The following KLF8 variants were observed in gnomAD, a reference collection of about 807,000 sequenced individuals.
The protein encoded by KLF8 is KLF transcription factor 8.
A neutral mutation model predicts 18.2 loss-of-function variants in KLF8; 10 were observed. That is an observed-to-expected ratio of 0.55 (90% CI 0.34 to 0.93). KLF8 has a LOEUF of 0.93. Among genes scored for constraint, KLF8 ranks in the 40% least tolerant of loss-of-function variants. The pLI is 0.02. For synonymous variants in KLF8, 109 were observed against 97.3 expected (o/e 1.12, Z -0.71); for missense variants, 264 against 277.9 (o/e 0.95, Z 0.36).
At chrX:56,134,331 G>A in the KLF8 span, among the ~76,000 whole-genome samples, 1 of 111,789 alleles carries the variant, frequency 8.9e-6, no homozygotes, top group Non-Finnish European at 1.9e-5. Context: ...ATGGACCAAT[G>A]GGACAGAAAG....
the KLF8 span, among the ~76,000 whole-genome samples, chrX:56,005,065 T>C: frequency 1.9e-5 from 2 of 108,040 alleles, no homozygotes; most frequent in Non-Finnish European, 1.9e-5. Context: ...TTATTTGAGA[T>C]GGAGTCTTGG....
At chrX:56,125,363 G>A in the KLF8 span, among the ~76,000 whole-genome samples, 1 of 111,723 alleles carries the variant, frequency 9.0e-6, no homozygotes, top group East Asian at 2.8e-4. Flanking sequence ...GGAGTGTAAT[G>A]TGTCTGTCCT....
the KLF8 span, among the ~76,000 whole-genome samples, chrX:56,132,377 C>G: frequency 9.0e-6 from 1 of 111,601 alleles, no homozygotes; most frequent in Non-Finnish European, 1.9e-5. Context: ...TAACCTGCTC[C>G]TGAAAGATCA....
At chrX:56,271,013 T>TA (rs1005183730) in intron 5 of KLF8, among the ~76,000 whole-genome samples, 9 of 111,547 alleles carry the variant, frequency 8.1e-5, no homozygotes, top group Non-Finnish European at 1.7e-4. Flanking sequence ...AATACAACAA[T>TA]AAAAAAATAC....
At chrX:56,049,916 A>G in the KLF8 span, among the ~76,000 whole-genome samples, 2 of 108,496 alleles carry the variant, frequency 1.8e-5, no homozygotes, top group Non-Finnish European at 3.8e-5. Context: ...TTTGGTTGGT[A>G]AGCTATTGAT....
chrX:56,153,369 A>G, the KLF8 span, among the ~76,000 whole-genome samples: 1 of 110,308 alleles, frequency 9.1e-6, no homozygotes, highest in Non-Finnish European at 1.9e-5. Context: ...AAAAAAAAAG[A>G]GTAGCTTTGC....
the KLF8 span, among the ~76,000 whole-genome samples, chrX:56,051,746 C>T: frequency 9.3e-6 from 1 of 107,254 alleles, no homozygotes; most frequent in African/African-American, 3.6e-5. Flanking sequence ...AATTATGTGT[C>T]TTGGAGTTGC....
the KLF8 span, among the ~76,000 whole-genome samples, chrX:56,098,347 G>A: frequency 9.0e-6 from 1 of 111,650 alleles, no homozygotes; most frequent in Admixed American, 9.5e-5. Context: ...TAGACACCTA[G>A]CCAATGTGAT....
upstream of KLF8, among the ~76,000 whole-genome samples, chrX:56,230,741 T>C (rs1327830885): frequency 9.0e-6 from 1 of 111,413 alleles, no homozygotes; most frequent in Non-Finnish European, 1.9e-5. Flanking sequence ...CAATAACTAT[T>C]ATTATTGTTA....
At chrX:56,007,761 A>G in the KLF8 span, among the ~76,000 whole-genome samples, 10 of 111,403 alleles carry the variant, frequency 9.0e-5, no homozygotes, top group Non-Finnish European at 1.1e-4. Context: ...GCATTAGACT[A>G]AAAAAGGGAC....
chrX:56,113,554 G>GTTTTTTTTT, the KLF8 span, among the ~76,000 whole-genome samples: 48 of 34,656 alleles, frequency 1.4e-3, 2 homozygotes, highest in African/African-American at 2.7e-3. Context: ...GGCAGGGATA[G>GTTTTTTTTT]TTTTTTTTTT....
chrX:55,936,306 G>A, the KLF8 span, among the ~76,000 whole-genome samples: 1 of 111,951 alleles, frequency 8.9e-6, no homozygotes, highest in Admixed American at 9.5e-5. Context: ...ATATTAGGTG[G>A]GTATACAGTG....
At chrX:56,216,727 T>C in the KLF8 span, among the ~76,000 whole-genome samples, 17 of 109,915 alleles carry the variant, frequency 1.5e-4, no homozygotes, top group Non-Finnish European at 2.8e-4. Flanking sequence ...GGCCCCTTCC[T>C]TTATCTCCAG....
the KLF8 span, among the ~76,000 whole-genome samples, chrX:56,182,827 G>A: frequency 8.9e-6 from 1 of 112,385 alleles, no homozygotes; most frequent in Non-Finnish European, 1.9e-5. Flanking sequence ...TCCTTCTTCT[G>A]GAAGCTTCAT....
intron 1 of KLF8, among the ~76,000 whole-genome samples, chrX:56,235,705 G>A (rs759604759): frequency 5.4e-5 from 6 of 110,745 alleles, no homozygotes; most frequent in Admixed American, 9.6e-5. Context: ...CATGAGCCAC[G>A]TGCCCAACCT....
the KLF8 span, among the ~76,000 whole-genome samples, chrX:55,940,743 G>C: frequency 2.7e-5 from 3 of 110,933 alleles, no homozygotes; most frequent in Admixed American, 9.6e-5. Flanking sequence ...AACAGACAGA[G>C]AGCCAAATCA....
chrX:56,132,763 G>A, the KLF8 span, among the ~76,000 whole-genome samples: 17 of 111,430 alleles, frequency 1.5e-4, no homozygotes, highest in African/African-American at 5.5e-4. Context: ...CTGATAGACT[G>A]TTAGGAGGGT....
intron 5 of KLF8, among the ~76,000 whole-genome samples, chrX:56,279,339 G>T (rs770089345): frequency 9.0e-5 from 10 of 111,272 alleles, no homozygotes; most frequent in African/African-American, 3.3e-4. Context: ...AAGTTTAAAG[G>T]GTACAAGTGC....
At chrX:55,960,089 T>C in the KLF8 span, among the ~76,000 whole-genome samples, 1 of 111,898 alleles carries the variant, frequency 8.9e-6, no homozygotes, top group African/African-American at 3.2e-5. Context: ...TGGAGGCCTA[T>C]AAGCATCACT....
Sources: allele counts gnomAD v4.1 joint callset (sites outside exome capture counted in the v4.1 genomes callset), GRCh38; gene constraint gnomAD v4.1.1; transcripts MANE v1.5; gene names NCBI Gene and HGNC (gene_info 2026-07-23, HGNC 2026-07-21).